Variants in TOPORS observed in about 807,000 individuals in gnomAD.
The protein encoded by TOPORS is TOP1 binding arginine/serine rich protein, E3 ubiquitin ligase, also known as E3 ubiquitin-protein ligase Topors.
Under a neutral mutation model 81.4 loss-of-function variants are expected in TOPORS, and 25 were observed. The ratio of observed to expected loss-of-function variants is 0.31; its 90% CI spans 0.22 to 0.43. The LOEUF (loss-of-function observed/expected upper bound fraction) is 0.43. Among genes scored for constraint, TOPORS ranks in the 20% least tolerant of loss-of-function variants. The pLI is 1.00. For missense variants in TOPORS, 1,101 were observed against 1,267.0 expected, an observed-to-expected ratio of 0.87 and a Z score of 1.99; for synonymous variants, 473 against 456.6, an observed-to-expected ratio of 1.04 and a Z score of -0.46.
intron 2 of TOPORS, among the ~76,000 whole-genome samples, chr9:32,548,534 A>G (rs572208644): frequency 6.6e-6 from 1 of 150,810 alleles, no homozygotes; most frequent in African/African-American, 2.4e-5. Flanking sequence ...CTCACACACA[A>G]ACACACACAC....
rs1182478520 is a variant in TOPORS at position 32,550,915 on chromosome 9, G to T, written c.57C>A (p.Pro19=). The T allele has an allele frequency of 5.0e-6, 8 of 1,612,800 alleles. No homozygotes were observed. Among genetic ancestry groups the T allele is most frequent in the Non-Finnish European group, 6.8e-6 (8 of 1,179,810 alleles). The part of the protein sequence containing the change: ...SPLSREEGEA[P]PPAPASEGRR... ...TACCCTCCGAAGCGGGAGCAGGCGG[G>T]GGCGCTTCACCCTCCTCGCGAGACA... The change falls in exon 2 of 3, where the codon CCC becomes CCA. Residue 19 remains proline, a synonymous_variant. Transcript: ENST00000360538.
Position 32,541,112 on chromosome 9 carries a change from A to C in TOPORS, c.*275T>G, listed in dbSNP as rs1328352436. On this transcript the variant is annotated 3_prime_UTR_variant, in exon 3 of 3. Transcript: ENST00000360538. Reference sequence around the variant, plus strand: ...TTATGAAATAACTTCTAAAATTTATATAATTTTTCTTATTTAAAAAGGACC... The same window carrying C: ...TTATGAAATAACTTCTAAAATTTATCTAATTTTTCTTATTTAAAAAGGACC... 2 of 275,914 alleles carry C rather than the reference A, an allele frequency of 7.2e-6. No individual in the cohort carries two copies. Among genetic ancestry groups the C allele is most frequent in the Non-Finnish European group, 1.4e-5 (2 of 144,232 alleles). The allele number at this position is 275,914 out of a possible 1,614,324, so 17.1% of individuals were successfully genotyped here.
In TOPORS at chr9:32,542,112, C is replaced by G; in HGVS notation, c.2413G>C (p.Gly805Arg). The G allele has an allele frequency of 1.2e-6, 2 of 1,614,066 alleles. No homozygotes were observed. The highest frequency in any genetic ancestry group is 1.3e-5 in the African/African-American group (1 of 75,014). Residue 805 changes from glycine to arginine, a missense_variant, in exon 3 of 3, where the codon GGT becomes CGT. By Grantham distance (125) the Gly-to-Arg change is moderately radical. Transcript: ENST00000360538. ...KRKYKTRHLEGTNEVAQPSRE... is the reference protein window; with the variant it reads ...KRKYKTRHLERTNEVAQPSRE... ...GATGGCTGAGCCACTTCGTTAGTACCCTCCAAATGCCGTGTTTTGTATTTT... is the reference window on the plus strand; with the variant it reads ...GATGGCTGAGCCACTTCGTTAGTACGCTCCAAATGCCGTGTTTTGTATTTT...
chr9:32,545,175 T>C (rs1266678869), intron 2 of TOPORS, among the ~76,000 whole-genome samples: 2 of 152,178 alleles, frequency 1.3e-5, no homozygotes, highest in Non-Finnish European at 2.9e-5. Context: ...GCTGTTATTA[T>C]TACTACACTA....
At chr9:32,551,918 G>C in intron 1 of TOPORS, 2 of 333,756 alleles carry the variant, frequency 6.0e-6, no homozygotes, top group South Asian at 2.2e-5. Context: ...ATAAAAGAGT[G>C]GGTGGTATTT....
At chr9:32,545,633 C>T (rs1268561718) in intron 2 of TOPORS, among the ~76,000 whole-genome samples, 4 of 151,806 alleles carry the variant, frequency 2.6e-5, no homozygotes, top group Admixed American at 2.6e-4. Context: ...TGGTGGCAGG[C>T]ACCTGTAATC....
intron 1 of TOPORS, 157 bp from the exon 2 acceptor site, chr9:32,551,125 G>A (rs945620377): frequency 5.5e-6 from 5 of 911,940 alleles, no homozygotes; most frequent in African/African-American, 1.6e-5. Context: ...CAGCGCACCG[G>A]CCCAAATGCG....
intron 2 of TOPORS, among the ~76,000 whole-genome samples, chr9:32,549,484 C>G (rs1821191376): frequency 6.6e-6 from 1 of 152,130 alleles, no homozygotes; most frequent in South Asian, 2.1e-4. Context: ...CAAAATCTCA[C>G]GTTTTCTCAA....
rs34721491 is a variant in TOPORS, at chr9:32,541,024, C to CAA, written c.*361_*362dup. The stretch of plus-strand genomic sequence containing the variant: ...TATAACACATTTCCAGAATAACTCT[C>CAA]AAAAAAAAAAAATTCAAAAATACTC... On this transcript the variant is annotated 3_prime_UTR_variant, in exon 3 of 3. Transcript: ENST00000360538. 1.0e-3 allele frequency: 170 copies of CAA among 164,624 alleles called. No homozygotes were observed. Among genetic ancestry groups the CAA allele is most frequent in the South Asian group, 3.2e-3 (24 of 7,504 alleles). 10.2% of individuals were successfully genotyped at this position (164,624 alleles called of 1,614,324 possible). A position where few individuals can be genotyped will look rare whatever the true frequency, so the allele number is the denominator to read the frequency against.
chr9:32,541,475 GAC>G lies in TOPORS; in HGVS notation c.3048_3049del (p.Leu1018SerfsTer3). On this transcript the variant is annotated frameshift_variant, in exon 3 of 3. Coordinates refer to ENST00000360538, the MANE Select transcript of TOPORS (RefSeq NM_005802.5). LOFTEE classifies it high-confidence loss of function. The stretch of plus-strand genomic sequence containing the variant: ...TTGCCTTGATGGCTCAGTTTGAAGA[GAC>G]ACAATGTTACTGGGCTGGTTCTCCA... The G allele has an allele frequency of 6.2e-7, 1 of 1,614,202 alleles. No individual in the cohort carries two copies. Among genetic ancestry groups the G allele is most frequent in the Non-Finnish European group, 8.5e-7 (1 of 1,180,028 alleles).
At chr9:32,550,700 G>A in intron 2 of TOPORS, 74 bp downstream of exon 2, 1 of 1,571,856 alleles carries the variant, frequency 6.4e-7, no homozygotes, top group Admixed American at 1.7e-5. Context: ...GTCCCGAGGC[G>A]CCGCTCCAGG....
At chr9:32,549,691 A>T (rs995761985) in intron 2 of TOPORS, among the ~76,000 whole-genome samples, 1 of 152,232 alleles carries the variant, frequency 6.6e-6, no homozygotes, top group African/African-American at 2.4e-5. Flanking sequence ...CAAAATAATC[A>T]TCATACTTAA....
rs771756061 is a variant in TOPORS at position 32,541,840 on chromosome 9, T to C, written c.2685A>G (p.Lys895=). 14 of 1,614,140 alleles carry C rather than the reference T, an allele frequency of 8.7e-6. No homozygotes were observed. The highest frequency in any genetic ancestry group is 1.1e-5 in the Non-Finnish European group (13 of 1,180,016). ...KKKKHKKKHK[K]HHGDNASRSP... ...AACGTGAAGCATTATCTCCATGGTG[T>C]TTCTTATGCTTCTTCTTATGTTTCT... The change falls in exon 3 of 3, where the codon AAA becomes AAG. Residue 895 remains lysine, a synonymous_variant. Transcript: ENST00000360538.
rs15014 is a variant in TOPORS, at chr9:32,552,464, C to G, written c.-28G>C. 0.065 allele frequency: 103,695 copies of G among 1,600,362 alleles called. 4,150 individuals are homozygous for G. Among genetic ancestry groups the G allele is most frequent in the Admixed American group, 0.15 (8,806 of 57,944 alleles). On this transcript the variant is annotated 5_prime_UTR_variant, in exon 1 of 3. Coordinates refer to ENST00000360538, the MANE Select transcript of TOPORS (RefSeq NM_005802.5). The stretch of plus-strand genomic sequence containing the variant: ...AGCCAGTAAGTCGTCGCACGCTGGA[C>G]TGGATTTATTCAGTGGTAAGTCCCG...
chr9:32,550,672 C>A, intron 2 of TOPORS, 102 bp downstream of exon 2: 1 of 1,401,374 alleles, frequency 7.1e-7, no homozygotes, highest in East Asian at 2.3e-5. Flanking sequence ...CCCCGCAGGC[C>A]ATGACCGCAA....
chr9:32,551,982 C>T (rs546645021), intron 1 of TOPORS, among the ~76,000 whole-genome samples: 2 of 142,204 alleles, frequency 1.4e-5, no homozygotes, highest in East Asian at 4.7e-4. Flanking sequence ...GTATCAGATG[C>T]GGGGAGGCGT....
intron 1 of TOPORS, chr9:32,551,946 A>T: frequency 3.3e-6 from 1 of 299,730 alleles, no homozygotes. Context: ...AAAGATGAAC[A>T]GGCGAACGTC....
At chr9:32,549,547 A>G (rs373295434) in intron 2 of TOPORS, among the ~76,000 whole-genome samples, 9 of 151,994 alleles carry the variant, frequency 5.9e-5, no homozygotes, top group Non-Finnish European at 1.3e-4. Flanking sequence ...TTTCATAAAA[A>G]CCCTTAGCAC....
At chr9:32,548,802 C>A (rs1168871558) in intron 2 of TOPORS, among the ~76,000 whole-genome samples, 1 of 152,084 alleles carries the variant, frequency 6.6e-6, no homozygotes, top group African/African-American at 2.4e-5. Context: ...TTCCCTTTCC[C>A]GAAAAATCCT....
Sources: allele counts gnomAD v4.1 joint callset (sites outside exome capture counted in the v4.1 genomes callset), GRCh38; gene constraint gnomAD v4.1.1; transcripts MANE v1.5; gene names NCBI Gene and HGNC (gene_info 2026-07-23, HGNC 2026-07-21).